MBD5: variants seen among roughly 807,000 people sequenced by gnomAD.
The protein encoded by MBD5 is methyl-CpG-binding domain protein 5.
A neutral mutation model predicts 117.3 loss-of-function variants in MBD5; 13 were observed. The observed-to-expected ratio is 0.11, with a 90% confidence interval of 0.07 to 0.18. MBD5 has a LOEUF of 0.18. Ranked by LOEUF, MBD5 falls within the 10% of genes least tolerant of loss-of-function variation. The probability of loss-of-function intolerance (pLI) is 1.00; values close to 1 mark genes in which losing one functional copy is unlikely to be tolerated. For synonymous variants in MBD5, 727 were observed against 766.4 expected, an observed-to-expected ratio of 0.95 and a Z score of 0.85; for missense variants, 1,879 against 2,093.8, an observed-to-expected ratio of 0.90 and a Z score of 2.00.
chr2:148,365,503 G>A (rs1703669267), intron 4 of MBD5, among the ~76,000 whole-genome samples: 1 of 151,334 alleles, frequency 6.6e-6, no homozygotes, highest in African/African-American at 2.4e-5. Context: ...CAGAACTGAA[G>A]GAGATGAACC....
Position 148,470,035 on chromosome 2 carries a change from A to C in MBD5, c.2092A>C (p.Ile698Leu). The change falls in exon 8 of 14, where the codon ATC becomes CTC. Residue 698 changes from isoleucine to leucine, a missense_variant. Physicochemically the swap from Ile to Leu is conservative, Grantham distance 5. Transcript: ENST00000642680. The part of the protein sequence containing the change: ...LRKQGQGSFP[I>L]SSMSQLLQSM... ...GAAGCAGGGTCAGGGTTCATTTCCC[A>C]TCAGTTCAATGTCTCAGTTACTACA... 6.2e-7 allele frequency: 1 copy of C among 1,613,856 alleles called. No homozygotes were observed. Among genetic ancestry groups the C allele is most frequent in the Non-Finnish European group, 8.5e-7 (1 of 1,179,868 alleles).
intron 4 of MBD5, among the ~76,000 whole-genome samples, chr2:148,421,383 T>C (rs1361837051): frequency 6.6e-6 from 1 of 152,140 alleles, no homozygotes; most frequent in Non-Finnish European, 1.5e-5. Context: ...TGAGGAACAG[T>C]GACTTCTGGC....
At chr2:148,461,064 C>T (rs562461651) in intron 5 of MBD5, among the ~76,000 whole-genome samples, 1 of 152,280 alleles carries the variant, frequency 6.6e-6, no homozygotes, top group Admixed American at 6.5e-5. Context: ...TCCCGAGTAG[C>T]TGGAATTACA....
chr2:148,478,114 G>T lies in MBD5; in HGVS notation c.2519-4996G>T, dbSNP rs60458553. On this transcript the variant is annotated intron_variant, in intron 8 of 13. Transcript: ENST00000642680. The stretch of plus-strand genomic sequence containing the variant: ...GAAGAAGAGAAACGAATCAAAAGAG[G>T]TAGACATTAACTTTGTTTTGAAAAG... 1.3e-3 allele frequency among the ~76,000 whole-genome samples: 203 copies of T among 152,192 alleles called. 2 individuals are homozygous for T. The highest frequency in any genetic ancestry group is 4.8e-3 in the African/African-American group (199 of 41,522).
intron 1 of MBD5, among the ~76,000 whole-genome samples, chr2:148,095,549 G>T (rs1696048042): frequency 6.6e-6 from 1 of 151,902 alleles, no homozygotes; most frequent in Admixed American, 6.6e-5. Flanking sequence ...TTATTTTTAG[G>T]TTCATACTGA....
At chr2:148,052,718 T>G (rs1694750223) in intron 1 of MBD5, among the ~76,000 whole-genome samples, 1 of 152,204 alleles carries the variant, frequency 6.6e-6, no homozygotes, top group Non-Finnish European at 1.5e-5. Context: ...CCAAATTTCC[T>G]TCTATTAAAT....
At chr2:148,229,713 A>C (rs1194001966) in intron 2 of MBD5, among the ~76,000 whole-genome samples, 1 of 152,196 alleles carries the variant, frequency 6.6e-6, no homozygotes, top group African/African-American at 2.4e-5. Flanking sequence ...TATCTGCTTT[A>C]GGGGCACCAC....
intron 1 of MBD5, among the ~76,000 whole-genome samples, chr2:148,112,835 G>T (rs2105358082): frequency 6.6e-6 from 1 of 152,102 alleles, no homozygotes; most frequent in South Asian, 2.1e-4. Flanking sequence ...TAAAACTCAG[G>T]CACCTGTTTG....
At chr2:148,354,093 T>A (rs944863517) in intron 4 of MBD5, among the ~76,000 whole-genome samples, 14 of 152,144 alleles carry the variant, frequency 9.2e-5, no homozygotes, top group East Asian at 1.9e-4. Flanking sequence ...TTACATCTTT[T>A]AAAAAAATTT....
rs971626788 is a variant in MBD5, at chr2:148,483,923, C to A, written c.3332C>A (p.Thr1111Asn). 4 of 1,550,428 alleles carry A rather than the reference C, an allele frequency of 2.6e-6. No homozygotes were observed. Among genetic ancestry groups the A allele is most frequent in the Non-Finnish European group, 3.5e-6 (4 of 1,146,960 alleles). The change falls in exon 9 of 14, where the codon ACC becomes AAC. Residue 1111 changes from threonine to asparagine, a missense_variant. Physicochemically the swap from Thr to Asn is moderately conservative, Grantham distance 65. Transcript: ENST00000642680. Reference protein sequence around the residue: ...TANHPEVSIATSSQATTTTTT... With the variant: ...TANHPEVSIANSSQATTTTTT... ...AATCATCCAGAGGTTTCCATAGCAA[C>A]CTCCTCCCAGGCAACCACTACCACA...
intron 2 of MBD5, among the ~76,000 whole-genome samples, chr2:148,197,808 T>G (rs867130011): frequency 4.1e-5 from 4 of 97,270 alleles, no homozygotes; most frequent in Admixed American, 1.1e-4. Context: ...TTTTTTTTGT[T>G]TTTTTTTTTG....
chr2:148,114,465 A>G (rs545769687), intron 1 of MBD5, among the ~76,000 whole-genome samples: 1 of 152,194 alleles, frequency 6.6e-6, no homozygotes, highest in South Asian at 2.1e-4. Flanking sequence ...GTGAGAGTCC[A>G]TCTCAAAAAA....
chr2:148,032,281 G>A (rs1052021741), intron 1 of MBD5, among the ~76,000 whole-genome samples: 2 of 152,086 alleles, frequency 1.3e-5, no homozygotes, highest in Admixed American at 6.6e-5. Flanking sequence ...GATAGAAAAG[G>A]ATATTAATGA....
At chr2:148,508,516 C>A (rs72861138) in intron 12 of MBD5, among the ~76,000 whole-genome samples, 188 of 151,846 alleles carry the variant, frequency 1.2e-3, no homozygotes, top group Middle Eastern at 3.4e-3. Context: ...CAGGGAACTC[C>A]AGCTTTATTT....
chr2:148,241,672 G>A (rs1700219745), intron 3 of MBD5, among the ~76,000 whole-genome samples: 1 of 152,090 alleles, frequency 6.6e-6, no homozygotes, highest in African/African-American at 2.4e-5. Flanking sequence ...CTTCAAGCAA[G>A]TAAGACTGTG....
chr2:148,511,189 A>G (rs534872141), intron 13 of MBD5, among the ~76,000 whole-genome samples: 1 of 152,274 alleles, frequency 6.6e-6, no homozygotes, highest in South Asian at 2.1e-4. Flanking sequence ...TTGAAGGTAA[A>G]AGAAAAGAGC....
In MBD5 at chr2:148,507,417, C is replaced by G. The variant is rs72861136; in HGVS notation, c.5037-2643C>G. On this transcript the variant is annotated intron_variant, in intron 12 of 13. Transcript: ENST00000642680. The stretch of plus-strand genomic sequence containing the variant: ...ACAAACAGTTGTCATAATACCTATT[C>G]CATCAAATTATTGTAAGGATTAAAT... 6.9e-3 allele frequency among the ~76,000 whole-genome samples: 1,058 copies of G among 152,250 alleles called. 2 individuals carry two copies. The highest frequency in any genetic ancestry group is 0.011 in the Non-Finnish European group (762 of 68,012).
intron 3 of MBD5, among the ~76,000 whole-genome samples, chr2:148,308,997 C>G (rs553259905): frequency 6.6e-6 from 1 of 151,440 alleles, no homozygotes; most frequent in African/African-American, 2.4e-5. Flanking sequence ...GCCTCTGTTC[C>G]GTTTCATTGG....
At chr2:148,337,300 T>TATGGCCATATTCTTTATATAAAAGAAA (rs1702823368) in intron 3 of MBD5, among the ~76,000 whole-genome samples, 2 of 152,178 alleles carry the variant, frequency 1.3e-5, no homozygotes, top group African/African-American at 4.8e-5. Context: ...ACATAAAGAA[T>TATGGCCATATTCTTTATATAAAAGAAA]ATGGCCATAT....
Sources: gnomAD v4.1 joint callset for allele counts (sites outside exome capture counted in the v4.1 genomes callset) on GRCh38, gnomAD v4.1.1 for gene constraint, MANE v1.5 for transcripts, NCBI Gene and HGNC (gene_info 2026-07-23, HGNC 2026-07-21) for gene names.